Variants in DHX8 observed in about 807,000 individuals in gnomAD.
DHX8 encodes the protein ATP-dependent RNA helicase DHX8.
In DHX8, 67 loss-of-function variants were observed where a neutral mutation model predicts 140.7. The observed-to-expected ratio is 0.48, with a 90% CI of 0.39 to 0.58. DHX8 has a LOEUF of 0.58. Ranked by LOEUF, DHX8 falls within the 20% of genes least tolerant of loss-of-function variation. The pLI is 0.00. For synonymous variants in DHX8, 533 were observed against 553.2 expected, an observed-to-expected ratio of 0.96 and a Z score of 0.51; for missense variants, 887 against 1,550.7, an observed-to-expected ratio of 0.57 and a Z score of 7.19.
At chr17:43,501,725 T>TCC (rs56041789) in intron 11 of DHX8, among the ~76,000 whole-genome samples, 40 of 150,802 alleles carry the variant, frequency 2.7e-4, no homozygotes, top group Admixed American at 4.0e-4. Context: ...CCTCAGGTGA[T>TCC]CCCCCCCCCA....
downstream of DHX8, chr17:43,529,735 G>A (rs376090324): frequency 1.8e-5 from 28 of 1,588,474 alleles, no homozygotes; most frequent in African/African-American, 1.8e-4. Context: ...CCAAGCAACC[G>A]CCTCCCACCC....
At chr17:43,521,005 C>CTGTT in intron 20 of DHX8, 126 bp downstream of exon 20, 1 of 922,914 alleles carries the variant, frequency 1.1e-6, no homozygotes, top group Non-Finnish European at 1.5e-6. Context: ...GAGTCTCACT[C>CTGTT]TGTTGCCCAG....
downstream of DHX8, chr17:43,529,418 G>A (rs1158423559): frequency 1.1e-5 from 17 of 1,493,406 alleles, no homozygotes; most frequent in East Asian, 9.3e-5. Context: ...AATCATGATG[G>A]AGGCACGTGC....
intron 16 of DHX8, among the ~76,000 whole-genome samples, chr17:43,511,278 C>T (rs1053701859): frequency 1.3e-5 from 2 of 152,048 alleles, no homozygotes; most frequent in African/African-American, 2.4e-5. Context: ...TTCAGTGAGC[C>T]GAGATCGTGC....
chr17:43,509,993 A>ACC (rs758498043), intron 16 of DHX8, among the ~76,000 whole-genome samples: 1 of 151,330 alleles, frequency 6.6e-6, no homozygotes, highest in Non-Finnish European at 1.5e-5. Context: ...TTTTGTAGAA[A>ACC]CACAGTTTCG....
At chr17:43,500,795 C>T (rs532808703) in intron 11 of DHX8, among the ~76,000 whole-genome samples, 40 of 151,986 alleles carry the variant, frequency 2.6e-4, no homozygotes, top group African/African-American at 8.7e-4. Context: ...CCTGTAGTCC[C>T]AGCTACTCGA....
Position 43,508,500 on chromosome 17 carries a change from G to A in DHX8, c.2482G>A (p.Ala828Thr). The A allele has an allele frequency of 6.2e-7, 1 of 1,612,158 alleles. No homozygotes were observed. Among genetic ancestry groups the A allele is most frequent in the Non-Finnish European group, 8.5e-7 (1 of 1,179,282 alleles). The change falls in exon 16 of 23, where the codon GCT becomes ACT. Residue 828 changes from alanine to threonine, a missense_variant. Around this residue, in one of 9 missense-constraint regions of DHX8, gnomAD observed 151 missense variants for 388.3 expected, o/e 0.39. Coordinates refer to ENST00000262415, the MANE Select transcript of DHX8 (RefSeq NM_004941.3). The stretch of plus-strand genomic sequence containing the variant: ...GATGCAGACCCGAATCTTTGACCCA[G>A]CTCCACCAGGCAGCAGAAAGGTAAC... ...SEMQTRIFDP[A>T]PPGSRKVVIA...
downstream of DHX8, chr17:43,529,113 T>A: frequency 1.2e-6 from 2 of 1,611,458 alleles, no homozygotes; most frequent in Non-Finnish European, 1.7e-6. Flanking sequence ...CACCACCTTG[T>A]CCCTAGACCC....
intron 3 of DHX8, among the ~76,000 whole-genome samples, chr17:43,541,551 G>C (rs1971523770): frequency 6.6e-6 from 1 of 152,134 alleles, no homozygotes; most frequent in Non-Finnish European, 1.5e-5. Flanking sequence ...TAAAAAAAGA[G>C]GAGGGGCTTG....
intron 17 of DHX8, among the ~76,000 whole-genome samples, chr17:43,513,709 C>CTTTTTTTTTTTTTTTTT (rs34829204): frequency 9.4e-6 from 1 of 105,966 alleles, no homozygotes; most frequent in Non-Finnish European, 1.9e-5. Flanking sequence ...AGTTTTTAAT[C>CTTTTTTTTTTTTTTTTT]TTTTTTTTTT....
At chr17:43,496,323 GGTGATTT>G in intron 9 of DHX8, 55 bp downstream of exon 9, 1 of 1,307,342 alleles carries the variant, frequency 7.6e-7, no homozygotes, top group Non-Finnish European at 1.1e-6. Context: ...CATTGAATTG[GGTGATTT>G]GCCTGTAGTT....
rs114343582 is a variant in DHX8, at chr17:43,508,219, C to T, written c.2321-120C>T. ...TAAACAAACTTGTATTGTTTACTTA[C>T]TGGTCAGAATATGAATGCATATGTT... On this transcript the variant is annotated intron_variant, in intron 15 of 22. Transcript: ENST00000262415. 3,395 of 1,353,744 alleles carry T rather than the reference C, an allele frequency of 2.5e-3. 57 individuals are homozygous for T. The African/African-American group carries it at 0.038, about 15-fold the overall frequency. 83.9% of individuals were successfully genotyped at this position (1,353,744 alleles called of 1,614,324 possible).
chr17:43,491,399 C>G lies in DHX8; in HGVS notation c.393+149C>G, dbSNP rs969482758. The G allele has an allele frequency of 7.1e-4, 301 of 423,214 alleles. 1 individual carries two copies. The highest frequency in any genetic ancestry group is 1.0e-3 in the Non-Finnish European group (244 of 233,024). The allele number at this position is 423,214 out of a possible 1,614,324, so 26.2% of individuals were successfully genotyped here. On this transcript the variant is annotated intron_variant, in intron 4 of 22. Transcript: ENST00000262415. ...TGTTTGATCACTCCCTGAGCATGTA[C>G]TATGTATTGAATTTGTTAAGGGGTT...
Position 43,520,773 on chromosome 17 carries a change from CA to C in DHX8, c.2962del (p.Met988CysfsTer19). 1 of 1,613,984 alleles carries C rather than the reference CA, an allele frequency of 6.2e-7. No individual in the cohort carries two copies. Among genetic ancestry groups the C allele is most frequent in the Non-Finnish European group, 8.5e-7 (1 of 1,179,992 alleles). On this transcript the variant is annotated frameshift_variant, in exon 20 of 23. Coordinates refer to ENST00000262415, the MANE Select transcript of DHX8 (RefSeq NM_004941.3). LOFTEE classifies it high-confidence loss of function. ...GRRMAEFPLE[P>X]MLCKMLIMSV... Reference sequence around the variant, plus strand: ...TAGATGGCAGAGTTCCCTCTGGAGCCAATGCTATGCAAAATGCTCATCATGT... The same window carrying C: ...TAGATGGCAGAGTTCCCTCTGGAGCCATGCTATGCAAAATGCTCATCATGT...
downstream of DHX8, chr17:43,526,406 G>C (rs1229577238): frequency 6.6e-7 from 1 of 1,524,466 alleles, no homozygotes; most frequent in Admixed American, 2.0e-5. Context: ...TATGGGGCAT[G>C]TGTGAGCTCC....
At chr17:43,489,595 TTG>T (rs2154586316) in intron 2 of DHX8, 61 bp downstream of exon 2, 3 of 1,331,180 alleles carry the variant, frequency 2.3e-6, no homozygotes, top group Non-Finnish European at 3.2e-6. Context: ...GTTTGTTTGT[TTG>T]TTTTTTTTTT....
chr17:43,495,752 G>C (rs1968819822), intron 8 of DHX8, among the ~76,000 whole-genome samples: 1 of 152,088 alleles, frequency 6.6e-6, no homozygotes, highest in Non-Finnish European at 1.5e-5. Context: ...GTGGGTCAGA[G>C]GAGAAAAAAA....
intron 2 of DHX8, among the ~76,000 whole-genome samples, chr17:43,532,356 G>A (rs1028003971): frequency 4.6e-5 from 7 of 152,016 alleles, no homozygotes; most frequent in Admixed American, 1.3e-4. Context: ...AAAATTAGCC[G>A]GGCACGGTGG....
chr17:43,496,345 C>T (rs1968856620), intron 9 of DHX8, 77 bp downstream of exon 9: 2 of 973,356 alleles, frequency 2.1e-6, no homozygotes, highest in Non-Finnish European at 3.2e-6. Flanking sequence ...GTAGTTTAAC[C>T]CAGTGGCTAT....
Sources: allele counts gnomAD v4.1 joint callset (sites outside exome capture counted in the v4.1 genomes callset), GRCh38; gene constraint gnomAD v4.1.1; regional missense constraint gnomAD v4.1.1; transcripts MANE v1.5; gene names NCBI Gene and HGNC (gene_info 2026-07-23, HGNC 2026-07-21).